SIL1: variants seen among roughly 807,000 people sequenced by gnomAD.
The protein encoded by SIL1 is nucleotide exchange factor SIL1.
In SIL1, 40 loss-of-function variants were observed where a neutral mutation model predicts 49.1. That is an observed-to-expected ratio of 0.81 (90% CI 0.63 to 1.06). The LOEUF is 1.06. Among genes scored for constraint, SIL1 ranks in the 50% least tolerant of loss-of-function variants. The pLI is 0.00. For synonymous variants in SIL1, 253 were observed against 250.8 expected, an observed-to-expected ratio of 1.01 and a Z score of -0.08; for missense variants, 500 against 572.6, an observed-to-expected ratio of 0.87 and a Z score of 1.29.
chr5:138,951,936 G>A, intron 7 of SIL1, 52 bp from the exon 8 acceptor site: 1 of 1,501,534 alleles, frequency 6.7e-7, no homozygotes, highest in Non-Finnish European at 9.2e-7. Context: ...CCAGGGATCG[G>A]ATGGTCAGGG....
chr5:139,066,125 G>A lies in SIL1; in HGVS notation c.245-15079C>T, dbSNP rs188988406. On this transcript the variant is annotated intron_variant, in intron 3 of 9. Transcript: ENST00000394817. ...TTAAGTACAGCATCCCCCAGGACAG[G>A]CTTGTTGGCACTCTCCTTCTTACAA... 1.4e-3 allele frequency among the ~76,000 whole-genome samples: 213 copies of A among 152,210 alleles called. 1 individual carries two copies. Among genetic ancestry groups the A allele is most frequent in the Admixed American group, 3.2e-3 (49 of 15,292 alleles).
chr5:138,960,023 A>C (rs1300132462), intron 7 of SIL1, among the ~76,000 whole-genome samples: 1 of 152,266 alleles, frequency 6.6e-6, no homozygotes, highest in Non-Finnish European at 1.5e-5. Flanking sequence ...AAAGCAAATT[A>C]CAAATGGTAT....
intron 3 of SIL1, among the ~76,000 whole-genome samples, chr5:139,113,939 A>G (rs1238674764): frequency 6.6e-6 from 1 of 152,208 alleles, no homozygotes; most frequent in Non-Finnish European, 1.5e-5. Flanking sequence ...CACTCTGCTC[A>G]GCACTCCTGA....
chr5:139,085,909 G>T (rs1261407227), intron 3 of SIL1, among the ~76,000 whole-genome samples: 1 of 152,120 alleles, frequency 6.6e-6, no homozygotes, highest in African/African-American at 2.4e-5. Flanking sequence ...CTTTCCAGAT[G>T]AAAGAAGAAA....
chr5:139,085,187 G>T (rs1321727119), intron 3 of SIL1, among the ~76,000 whole-genome samples: 1 of 152,162 alleles, frequency 6.6e-6, no homozygotes, highest in Non-Finnish European at 1.5e-5. Flanking sequence ...AACAAAAACA[G>T]GGAGGAAGGA....
intron 2 of SIL1, among the ~76,000 whole-genome samples, chr5:139,126,926 A>G (rs1004505427): frequency 6.6e-6 from 1 of 152,238 alleles, no homozygotes; most frequent in Non-Finnish European, 1.5e-5. Flanking sequence ...GGGGAGGGTG[A>G]AACTGTCAAA....
intron 3 of SIL1, among the ~76,000 whole-genome samples, chr5:139,084,784 TAAA>T (rs1221289793): frequency 1.3e-5 from 2 of 150,584 alleles, no homozygotes; most frequent in Admixed American, 6.6e-5. Flanking sequence ...TAGAGTATAA[TAAA>T]AATAAAAATA....
chr5:139,025,599 G>A (rs1451924632), intron 6 of SIL1, among the ~76,000 whole-genome samples: 1 of 152,106 alleles, frequency 6.6e-6, no homozygotes, highest in Non-Finnish European at 1.5e-5. Flanking sequence ...ATCATAAAGA[G>A]CATGATATCT....
chr5:139,148,591 G>A (rs1417885243), intron 1 of SIL1, among the ~76,000 whole-genome samples: 1 of 152,234 alleles, frequency 6.6e-6, no homozygotes, highest in Non-Finnish European at 1.5e-5. Flanking sequence ...ATTCAGCCAA[G>A]GATCAGTAAG....
chr5:139,051,223 A>C, intron 3 of SIL1, 177 bp from the exon 4 acceptor site: 1 of 651,448 alleles, frequency 1.5e-6, no homozygotes, highest in Non-Finnish European at 2.8e-6. Context: ...GCATAAACTC[A>C]CTTTGCTAAT....
intron 7 of SIL1, among the ~76,000 whole-genome samples, chr5:139,010,215 A>G (rs1328559306): frequency 6.8e-6 from 1 of 147,024 alleles, no homozygotes; most frequent in African/African-American, 2.5e-5. Flanking sequence ...CATTCATTTC[A>G]TCTTCCATTA....
intron 4 of SIL1, among the ~76,000 whole-genome samples, chr5:139,049,251 C>A (rs938695353): frequency 6.6e-6 from 1 of 152,222 alleles, no homozygotes; most frequent in African/African-American, 2.4e-5. Flanking sequence ...TGGCTCATTG[C>A]AATTTCTGCC....
At chr5:139,169,860 T>TG (rs1432720257) in intron 1 of SIL1, among the ~76,000 whole-genome samples, 26 of 150,860 alleles carry the variant, frequency 1.7e-4, no homozygotes, top group South Asian at 8.4e-4. Flanking sequence ...GGTCTCCCTC[T>TG]CCCTCTTTCC....
rs192470073 is a variant in SIL1, at chr5:139,020,539, C to T, written c.767+632G>A. Among the ~76,000 whole-genome samples the T allele has an allele frequency of 4.3e-4, 65 of 152,312 alleles. 3 individuals are homozygous for T. The South Asian group carries it at 0.011, about 27-fold the overall frequency. ...TCAAAAATGGGAGGAACAATAGCTC[C>T]AATGGACCAATTGCAGCATGCAGAT... On this transcript the variant is annotated intron_variant, in intron 7 of 9. Transcript: ENST00000394817.
chr5:138,947,172 C>A lies in SIL1; in HGVS notation c.1331G>T (p.Gly444Val), dbSNP rs745549568. The A allele has an allele frequency of 5.0e-6, 8 of 1,613,628 alleles. No individual in the cohort carries two copies. Among genetic ancestry groups the A allele is most frequent in the Non-Finnish European group, 5.9e-6 (7 of 1,179,900 alleles). Residue 444 changes from glycine to valine, a missense_variant, in exon 10 of 10, where the codon GGC becomes GTC. Transcript: ENST00000394817. The surrounding 1 kb of genome is among the most constrained non-coding windows in gnomAD (Gnocchi z 4.1). The part of the protein sequence containing the change: ...SLELQDGEDE[G>V]YFQELLGSVN... ...AGAGCCCAGCAGCTCCTGGAAGTAG[C>A]CCTCGTCCTCACCATCCTGCAGCTC...
intron 3 of SIL1, among the ~76,000 whole-genome samples, chr5:139,056,281 G>T (rs1485687038): frequency 1.3e-5 from 2 of 150,844 alleles, no homozygotes; most frequent in Non-Finnish European, 3.0e-5. Context: ...TCTCTGCCCG[G>T]CCGCCCATCG....
At chr5:139,096,050 T>C (rs1361531054) in intron 3 of SIL1, among the ~76,000 whole-genome samples, 4 of 152,032 alleles carry the variant, frequency 2.6e-5, no homozygotes, top group Admixed American at 2.6e-4. Flanking sequence ...ACTGAAGAGA[T>C]AGAAAAGATA....
intron 1 of SIL1, among the ~76,000 whole-genome samples, chr5:139,167,797 G>C (rs1366535747): frequency 2.0e-5 from 3 of 152,124 alleles, no homozygotes; most frequent in Non-Finnish European, 2.9e-5. Flanking sequence ...GCAACTTCCA[G>C]TCCTGCAAGC....
At chr5:139,008,043 T>C (rs1197546405) in intron 7 of SIL1, among the ~76,000 whole-genome samples, 2 of 152,100 alleles carry the variant, frequency 1.3e-5, no homozygotes, top group African/African-American at 2.4e-5. Flanking sequence ...ATGGTACCAG[T>C]TCCTCCCTGT....
Sources: allele counts gnomAD v4.1 joint callset (sites outside exome capture counted in the v4.1 genomes callset), GRCh38; gene constraint gnomAD v4.1.1; non-coding constraint Gnocchi (gnomAD v3.1); transcripts MANE v1.5; gene names NCBI Gene and HGNC (gene_info 2026-07-23, HGNC 2026-07-21).